CARMIL1: variants seen among roughly 807,000 people sequenced by gnomAD.
The protein encoded by CARMIL1 is capping protein regulator and myosin 1 linker 1, also known as F-actin-uncapping protein LRRC16A.
Under a neutral mutation model 177.1 loss-of-function variants are expected in CARMIL1, and 90 were observed. The observed-to-expected ratio is 0.51, with a 90% confidence interval of 0.43 to 0.61. CARMIL1 has a LOEUF of 0.61. Ranked by LOEUF, CARMIL1 falls within the 20% of genes least tolerant of loss-of-function variation. CARMIL1 has a pLI of 0.00. For synonymous variants in CARMIL1, 577 were observed against 606.2 expected, an observed-to-expected ratio of 0.95 and a Z score of 0.71; for missense variants, 1,380 against 1,667.0, an observed-to-expected ratio of 0.83 and a Z score of 3.00.
intron 27 of CARMIL1, 104 bp from the exon 28 acceptor site, chr6:25,553,905 G>C (rs896076589): frequency 2.8e-6 from 2 of 725,048 alleles, no homozygotes; most frequent in African/African-American, 3.5e-5. Context: ...TTCAAAGACA[G>C]AAATGGAATC....
At chr6:25,520,627 G>A (rs575625630) in intron 23 of CARMIL1, among the ~76,000 whole-genome samples, 1 of 152,246 alleles carries the variant, frequency 6.6e-6, no homozygotes, top group South Asian at 2.1e-4. Flanking sequence ...TTGGCTGGGG[G>A]AGAAATGTGT....
At chr6:25,386,074 C>T (rs191589401) in intron 2 of CARMIL1, among the ~76,000 whole-genome samples, 2 of 152,280 alleles carry the variant, frequency 1.3e-5, no homozygotes, top group Non-Finnish European at 2.9e-5. Flanking sequence ...GCCTCATGCA[C>T]AATGAAGGGT....
chr6:25,439,279 A>AC (rs1180465396), intron 5 of CARMIL1, among the ~76,000 whole-genome samples: 1 of 152,154 alleles, frequency 6.6e-6, no homozygotes, highest in Non-Finnish European at 1.5e-5. Flanking sequence ...CTCTCCTCCA[A>AC]GCTCCACTAG....
chr6:25,312,027 G>A (rs1027088616), intron 2 of CARMIL1, among the ~76,000 whole-genome samples: 7 of 152,168 alleles, frequency 4.6e-5, no homozygotes, highest in Non-Finnish European at 8.8e-5. Flanking sequence ...ACAACAAAAG[G>A]GTAAAATATT....
At chr6:25,587,031 T>C (rs138276148) in intron 31 of CARMIL1, among the ~76,000 whole-genome samples, 1,960 of 51,486 alleles carry the variant, frequency 0.038, 45 homozygotes, top group African/African-American at 0.12. Context: ...AGAGGGAGAC[T>C]GGGGAAAGGG....
chr6:25,572,805 A>G (rs969484023), intron 29 of CARMIL1, among the ~76,000 whole-genome samples: 5 of 152,142 alleles, frequency 3.3e-5, no homozygotes, highest in Non-Finnish European at 5.9e-5. Context: ...AAAAATACAG[A>G]CACCAGATTT....
At chr6:25,614,408 A>G (rs1816740660) in intron 36 of CARMIL1, among the ~76,000 whole-genome samples, 1 of 152,250 alleles carries the variant, frequency 6.6e-6, no homozygotes, top group Non-Finnish European at 1.5e-5. Flanking sequence ...ATTTGTTTAT[A>G]GACACATAGT....
intron 17 of CARMIL1, among the ~76,000 whole-genome samples, chr6:25,505,344 T>C (rs1226662914): frequency 6.6e-6 from 1 of 152,230 alleles, no homozygotes; most frequent in East Asian, 1.9e-4. Flanking sequence ...CCCTGTAGGT[T>C]AGTTCTAAAG....
Position 25,355,239 on chromosome 6 carries a change from G to T in CARMIL1, c.139-64875G>T, listed in dbSNP as rs559339501. Among the ~76,000 whole-genome samples the T allele has an allele frequency of 2.6e-5, 4 of 152,286 alleles. No individual in the cohort carries two copies. In the East Asian group the frequency reaches 7.7e-4, roughly 29 times the overall value. Reference sequence around the variant, plus strand: ...ATGAGCCAAGAAGGAACTCTCAGTGGCTTGACTGCCCTTAATCTTTCCTCT... The same window carrying T: ...ATGAGCCAAGAAGGAACTCTCAGTGTCTTGACTGCCCTTAATCTTTCCTCT... On this transcript the variant is annotated intron_variant, in intron 2 of 36. Coordinates refer to ENST00000329474, the MANE Select transcript of CARMIL1 (RefSeq NM_017640.6).
chr6:25,332,742 TAC>T (rs35133749), intron 2 of CARMIL1, among the ~76,000 whole-genome samples: 18,822 of 140,072 alleles, frequency 0.13, 1,315 homozygotes, highest in Admixed American at 0.22. Context: ...CAAACATGCA[TAC>T]ACACACACAC....
At chr6:25,399,509 T>C (rs1793715169) in intron 2 of CARMIL1, among the ~76,000 whole-genome samples, 1 of 152,168 alleles carries the variant, frequency 6.6e-6, no homozygotes, top group Admixed American at 6.5e-5. Context: ...CTGGCAAAAA[T>C]GTCAGAGGCA....
chr6:25,366,520 G>A (rs1025706664), intron 2 of CARMIL1, among the ~76,000 whole-genome samples: 4 of 150,664 alleles, frequency 2.7e-5, no homozygotes, highest in African/African-American at 7.3e-5. Context: ...CTATGTCTTC[G>A]TTATGTATCT....
chr6:25,436,484 A>G (rs140130117), intron 5 of CARMIL1, among the ~76,000 whole-genome samples: 62 of 152,282 alleles, frequency 4.1e-4, no homozygotes, highest in African/African-American at 1.3e-3. Flanking sequence ...GCCCTTCATA[A>G]AACATGCTCC....
intron 2 of CARMIL1, among the ~76,000 whole-genome samples, chr6:25,325,475 AT>A (rs1464675871): frequency 6.6e-6 from 1 of 152,096 alleles, no homozygotes; most frequent in East Asian, 1.9e-4. Flanking sequence ...GTTCAGTAGC[AT>A]TTTTTCCCCT....
chr6:25,541,042 A>G (rs1002237812), intron 26 of CARMIL1, among the ~76,000 whole-genome samples: 2 of 152,192 alleles, frequency 1.3e-5, no homozygotes, highest in African/African-American at 4.8e-5. Flanking sequence ...AGGACTGTGG[A>G]TGGTAGAGTT....
chr6:25,600,322 C>A lies in CARMIL1; in HGVS notation c.3128C>A (p.Ser1043Ter). 6.2e-7 allele frequency: 1 copy of A among 1,607,316 alleles called. No homozygotes were observed. Among genetic ancestry groups the A allele is most frequent in the South Asian group, 1.1e-5 (1 of 89,984 alleles). Residue 1043 changes from serine (S) to a stop codon, truncating the protein, a stop_gained, in exon 33 of 37, where the codon TCA becomes TAA. Coordinates refer to ENST00000329474, the MANE Select transcript of CARMIL1 (RefSeq NM_017640.6). LOFTEE classifies it high-confidence loss of function. ...KVTKMDSKKW[S>*]TRGSESHELN... is the part of the protein sequence containing the mutation. ...CTTGGTTTGAAATGCAGGAAATGGT[C>A]AACAAGAGGCTCAGAGTCCCATGAG...
At chr6:25,379,071 ATAATGGTGGTC>A (rs1308942316) in intron 2 of CARMIL1, among the ~76,000 whole-genome samples, 2 of 152,204 alleles carry the variant, frequency 1.3e-5, no homozygotes, top group Admixed American at 6.5e-5. Context: ...TAAAACTAAA[ATAATGGTGGTC>A]ACACATACCC....
chr6:25,405,379 A>G (rs1053674501), intron 2 of CARMIL1, among the ~76,000 whole-genome samples: 4 of 152,216 alleles, frequency 2.6e-5, no homozygotes, highest in African/African-American at 9.6e-5. Flanking sequence ...CTGCCTCATC[A>G]GTACCCTGAC....
intron 17 of CARMIL1, among the ~76,000 whole-genome samples, chr6:25,504,939 C>G (rs1804764216): frequency 6.6e-6 from 1 of 152,174 alleles, no homozygotes; most frequent in African/African-American, 2.4e-5. Context: ...GCGTCTGGTA[C>G]AACGTCACTA....
Sources: gnomAD v4.1 joint callset for allele counts (sites outside exome capture counted in the v4.1 genomes callset) on GRCh38, gnomAD v4.1.1 for gene constraint, MANE v1.5 for transcripts, NCBI Gene and HGNC (gene_info 2026-07-23, HGNC 2026-07-21) for gene names.